Variants in PBRM1 observed in about 807,000 individuals in gnomAD.
PBRM1 encodes the protein polybromo 1, also known as protein polybromo-1.
In PBRM1, 27 loss-of-function variants were observed where a neutral mutation model predicts 194.5. The observed-to-expected ratio is 0.14, with a 90% CI of 0.10 to 0.19. PBRM1 has a LOEUF of 0.19. PBRM1 is among the 10% of genes least tolerant of loss of function. The pLI is 1.00. For synonymous variants in PBRM1, 655 were observed against 693.2 expected (o/e 0.94, Z 0.87); for missense variants, 1,466 against 2,077.2 (o/e 0.71, Z 5.72).
At chr3:52,605,558 T>G (rs921604411) in intron 16 of PBRM1, among the ~76,000 whole-genome samples, 4 of 150,672 alleles carry the variant, frequency 2.7e-5, no homozygotes, top group Non-Finnish European at 5.9e-5. Context: ...GACAAACAAT[T>G]AAAAGACACG....
At chr3:52,664,848 A>G (rs947329375) in intron 3 of PBRM1, among the ~76,000 whole-genome samples, 1 of 152,226 alleles carries the variant, frequency 6.6e-6, no homozygotes, top group Non-Finnish European at 1.5e-5. Context: ...AGTTACTACA[A>G]GAACAGGGCA....
chr3:52,574,660 A>G (rs748989205), intron 22 of PBRM1, among the ~76,000 whole-genome samples: 3 of 152,198 alleles, frequency 2.0e-5, no homozygotes, highest in Non-Finnish European at 4.4e-5. Flanking sequence ...GAAGGCCCTA[A>G]GATCTCATTT....
intron 5 of PBRM1, among the ~76,000 whole-genome samples, 196 bp downstream of exon 6, chr3:52,658,003 G>C (rs2096641341): frequency 6.6e-6 from 1 of 150,748 alleles, no homozygotes; most frequent in Admixed American, 6.6e-5. Context: ...ATGTTGATCG[G>C]GATGGTCTCG....
chr3:52,608,095 A>G (rs1169212402), intron 16 of PBRM1, among the ~76,000 whole-genome samples: 1 of 152,110 alleles, frequency 6.6e-6, no homozygotes, highest in Non-Finnish European at 1.5e-5. Flanking sequence ...AGGTTGTGGC[A>G]TGTTGTCTCA....
chr3:52,676,221 T>C (rs1561102293), intron 2 of PBRM1, among the ~76,000 whole-genome samples: 1 of 147,722 alleles, frequency 6.8e-6, no homozygotes, highest in African/African-American at 2.5e-5. Flanking sequence ...AAGGCCTAAA[T>C]GTAAGAGCTA....
intron 5 of PBRM1, among the ~76,000 whole-genome samples, chr3:52,657,535 T>C: frequency 6.6e-6 from 1 of 152,108 alleles, no homozygotes; most frequent in East Asian, 1.9e-4. Context: ...AACGGCATGA[T>C]GTCAGCTCAC....
In PBRM1 at chr3:52,660,776, G is replaced by A. The variant is rs547760182; in HGVS notation, c.528+1357C>T. 2.8e-3 allele frequency among the ~76,000 whole-genome samples: 430 copies of A among 152,242 alleles called. 1 individual carries two copies. Among genetic ancestry groups the A allele is most frequent in the Middle Eastern group, 0.01 (3 of 294 alleles). On this transcript the variant is annotated intron_variant, in intron 4 of 29. Coordinates refer to ENST00000296302, the Ensembl canonical transcript of PBRM1. Reference sequence around the variant, plus strand: ...GATCTGCCTGCCTTGGCCTCCCAAAGTGCTGGGATTACAGGGGTGAGCCAC... The same window carrying A: ...GATCTGCCTGCCTTGGCCTCCCAAAATGCTGGGATTACAGGGGTGAGCCAC...
chr3:52,671,786 A>G (rs1031137806), intron 2 of PBRM1, among the ~76,000 whole-genome samples: 2 of 152,180 alleles, frequency 1.3e-5, no homozygotes, highest in African/African-American at 4.8e-5. Context: ...CTTTTTGGCC[A>G]TGGCTAATTT....
chr3:52,587,590 TAA>T (rs2092569587), intron 18 of PBRM1, 80 bp from the exon 21 acceptor site: 1 of 971,898 alleles, frequency 1.0e-6, no homozygotes, highest in Non-Finnish European at 1.5e-6. Context: ...TTTTTTTTTT[TAA>T]AGAGACTGGG....
At chr3:52,639,440 CT>C (rs1037221321) in intron 10 of PBRM1, among the ~76,000 whole-genome samples, 96 of 145,404 alleles carry the variant, frequency 6.6e-4, no homozygotes, top group Middle Eastern at 3.6e-3. Context: ...CCTTTCTTTT[CT>C]TTTTTTTTTT....
intron 22 of PBRM1, among the ~76,000 whole-genome samples, chr3:52,571,656 T>G (rs1237177777): frequency 1.4e-5 from 2 of 147,460 alleles, no homozygotes; most frequent in African/African-American, 5.0e-5. Context: ...AAAAAAAGAT[T>G]TATTCCTAGG....
chr3:52,600,326 T>C (rs1036444445), intron 17 of PBRM1, among the ~76,000 whole-genome samples: 4 of 152,228 alleles, frequency 2.6e-5, no homozygotes, highest in Non-Finnish European at 5.9e-5. Flanking sequence ...ATCTGGTCAC[T>C]TTATGGTGTC....
intron 22 of PBRM1, among the ~76,000 whole-genome samples, chr3:52,570,891 T>C (rs1202748875): frequency 6.6e-6 from 1 of 151,880 alleles, no homozygotes; most frequent in Non-Finnish European, 1.5e-5. Flanking sequence ...TCTTTGTTTC[T>C]TCGTTTTTTT....
intron 10 of PBRM1, among the ~76,000 whole-genome samples, chr3:52,640,819 A>G (rs1247773971): frequency 6.7e-6 from 1 of 149,238 alleles, no homozygotes; most frequent in African/African-American, 2.5e-5. Flanking sequence ...TTGTATTTTT[A>G]GTAGAGACAC....
intron 1 of PBRM1, among the ~76,000 whole-genome samples, chr3:52,679,043 C>A (rs59182119): frequency 0.033 from 5,036 of 152,214 alleles, 274 homozygotes; most frequent in African/African-American, 0.11. Context: ...CAGTTTCCTT[C>A]TCCTTCCTGA....
chr3:52,634,773 G>A (rs1190464445), exon 11 of PBRM1: 2 of 1,614,018 alleles, frequency 1.2e-6, no homozygotes, highest in Non-Finnish European at 1.7e-6. Flanking sequence ...CATAAAGGAA[G>A]TGATGCTTTC....
chr3:52,587,855 T>C (rs2092607283), intron 18 of PBRM1, among the ~76,000 whole-genome samples: 1 of 152,016 alleles, frequency 6.6e-6, no homozygotes, highest in Admixed American at 6.6e-5. Flanking sequence ...TAATAAAGTG[T>C]AATGAGGCCT....
intron 13 of PBRM1, among the ~76,000 whole-genome samples, chr3:52,625,368 A>G (rs57298447): frequency 0.073 from 11,063 of 152,176 alleles, 955 homozygotes; most frequent in African/African-American, 0.21. Context: ...AGTCCAAAGT[A>G]TAAGACTTAA....
chr3:52,620,247 T>A (rs1322305181), intron 13 of PBRM1, among the ~76,000 whole-genome samples: 1 of 152,164 alleles, frequency 6.6e-6, no homozygotes, highest in Non-Finnish European at 1.5e-5. Context: ...AGGAAGTCTC[T>A]AAAGAAAAAT....
Sources: gnomAD v4.1 joint callset for allele counts (sites outside exome capture counted in the v4.1 genomes callset) on GRCh38, gnomAD v4.1.1 for gene constraint, MANE v1.5 for transcripts, NCBI Gene and HGNC (gene_info 2026-07-23, HGNC 2026-07-21) for gene names.